Variants in NAV3 observed in about 807,000 individuals in gnomAD.
The protein encoded by NAV3 is pore membrane and/or filament interacting like protein 1.
Under a neutral mutation model 244.7 loss-of-function variants are expected in NAV3, and 87 were observed. The observed-to-expected ratio is 0.36, with a 90% CI of 0.30 to 0.42. The LOEUF (loss-of-function observed/expected upper bound fraction) is 0.42. Among genes scored for constraint, NAV3 ranks in the 20% least tolerant of loss-of-function variants. The pLI is 1.00. For synonymous variants in NAV3, 1,126 were observed against 1,042.2 expected (o/e 1.08, Z -1.55); for missense variants, 2,663 against 2,893.3 (o/e 0.92, Z 1.83).
intron 3 of NAV3, among the ~76,000 whole-genome samples, chr12:77,947,122 T>C (rs186790539): frequency 6.6e-6 from 1 of 152,120 alleles, no homozygotes; most frequent in African/African-American, 2.4e-5. Context: ...TTTGGCTTCT[T>C]ATTCCTTTTT....
intron 3 of NAV3, among the ~76,000 whole-genome samples, chr12:77,958,941 G>A (rs1350912405): frequency 6.6e-6 from 1 of 152,080 alleles, no homozygotes; most frequent in African/African-American, 2.4e-5. Context: ...TGTGGTGTCC[G>A]TTGAAATCAT....
chr12:78,195,232 T>A (rs1281636623), intron 34 of NAV3, among the ~76,000 whole-genome samples: 1 of 152,024 alleles, frequency 6.6e-6, no homozygotes, highest in African/African-American at 2.4e-5. Flanking sequence ...TTTTCTTTTT[T>A]ATTGCCACCA....
chr12:78,212,265 A>T lies in NAV3; in HGVS notation c.*1748A>T, dbSNP rs1960939009. 6.6e-6 allele frequency: 1 copy of T among 152,622 alleles called. No homozygotes were observed. Among genetic ancestry groups the T allele is most frequent in the Non-Finnish European group, 1.5e-5 (1 of 68,040 alleles). The allele number at this position is 152,622 out of a possible 1,614,324, so 9.5% of individuals were successfully genotyped here. A position where few individuals can be genotyped will look rare whatever the true frequency, so the allele number is the denominator to read the frequency against. On this transcript the variant is annotated 3_prime_UTR_variant, in exon 40 of 40. Coordinates refer to ENST00000397909, the MANE Select transcript of NAV3 (RefSeq NM_001024383.2). ...CACCACACACAAAGGACAGGTTTTAAGTTTATGAAACCCAAGGGCTAGGCC... is the reference window on the plus strand; with the variant it reads ...CACCACACACAAAGGACAGGTTTTATGTTTATGAAACCCAAGGGCTAGGCC...
intron 2 of NAV3, among the ~76,000 whole-genome samples, chr12:77,615,730 T>C (rs1313029184): frequency 6.6e-6 from 1 of 152,210 alleles, no homozygotes; most frequent in Non-Finnish European, 1.5e-5. Context: ...TTTGGGTATA[T>C]ACCAGTTGAG....
At chr12:78,109,281 A>T (rs1954966093) in intron 12 of NAV3, among the ~76,000 whole-genome samples, 1 of 152,106 alleles carries the variant, frequency 6.6e-6, no homozygotes, top group African/African-American at 2.4e-5. Context: ...ACATATCAGT[A>T]ATGATTAGCA....
At chr12:78,188,448 AT>A (rs1958824356) in intron 32 of NAV3, 105 bp downstream of exon 32, 2 of 1,197,090 alleles carry the variant, frequency 1.7e-6, no homozygotes, top group African/African-American at 3.1e-5. Flanking sequence ...CTCTCCTCAA[AT>A]AAGGAAAGCT....
intron 2 of NAV3, among the ~76,000 whole-genome samples, chr12:77,785,749 G>A (rs1257589771): frequency 4.6e-5 from 7 of 152,130 alleles, no homozygotes; most frequent in Non-Finnish European, 1.0e-4. Context: ...TGGGCTGCCT[G>A]CTTCATGGTC....
chr12:78,204,800 T>A (rs1960112838), intron 38 of NAV3, 135 bp from the exon 39 acceptor site: 1 of 713,236 alleles, frequency 1.4e-6, no homozygotes, highest in African/African-American at 1.8e-5. Flanking sequence ...TGCAAAACTG[T>A]ATACAGATAC....
chr12:77,971,566 G>A (rs947832507), intron 5 of NAV3, among the ~76,000 whole-genome samples: 1 of 151,986 alleles, frequency 6.6e-6, no homozygotes, highest in African/African-American at 2.4e-5. Context: ...TTTTCAAAAG[G>A]CCACAATGAT....
chr12:77,936,526 T>A (rs1169605196), intron 1 of NAV3, among the ~76,000 whole-genome samples: 1 of 152,180 alleles, frequency 6.6e-6, no homozygotes, highest in Non-Finnish European at 1.5e-5. Context: ...GAATTATGAT[T>A]AGTTTGATAT....
chr12:77,595,872 A>G (rs1870144790), intron 2 of NAV3, among the ~76,000 whole-genome samples: 1 of 152,214 alleles, frequency 6.6e-6, no homozygotes, highest in South Asian at 2.1e-4. Context: ...TTTAACTTGA[A>G]TATTTATGTT....
chr12:78,168,842 A>C lies in NAV3; in HGVS notation c.4957A>C (p.Asn1653His), dbSNP rs373317373. The C allele has an allele frequency of 6.2e-7, 1 of 1,610,018 alleles. No individual in the cohort carries two copies. The highest frequency in any genetic ancestry group is 1.3e-5 in the African/African-American group (1 of 74,730). ...AAQAAIQGAL[N>H]GPDHPPKDLR... ...CCAGGCGGCTATTCAGGGAGCACTG[A>C]ATGGTCCAGACCATCCTCCCAAAGG... Residue 1653 changes from asparagine (N) to histidine (H), a missense_variant, in exon 24 of 40, where the codon AAT becomes CAT. Physicochemically the swap from Asn to His is moderately conservative, Grantham distance 68 (BLOSUM62 1). Transcript: ENST00000397909.
intron 2 of NAV3, among the ~76,000 whole-genome samples, chr12:77,614,834 G>A (rs117762202): frequency 0.027 from 4,118 of 152,262 alleles, 83 homozygotes; most frequent in Non-Finnish European, 0.042. Flanking sequence ...AAGAAAGTTC[G>A]TTGCATTATA....
chr12:77,807,994 G>T (rs1322136810), intron 2 of NAV3, among the ~76,000 whole-genome samples: 1 of 152,036 alleles, frequency 6.6e-6, no homozygotes, highest in Non-Finnish European at 1.5e-5. Context: ...TATGCTTCAG[G>T]AAGTTCTCAT....
chr12:78,072,110 A>G (rs1462999758), intron 12 of NAV3, among the ~76,000 whole-genome samples: 1 of 151,842 alleles, frequency 6.6e-6, no homozygotes, highest in Non-Finnish European at 1.5e-5. Flanking sequence ...ACACCCTAAC[A>G]TCACAATTAA....
intron 2 of NAV3, among the ~76,000 whole-genome samples, chr12:77,710,593 G>T (rs1876060355): frequency 6.6e-6 from 1 of 152,068 alleles, no homozygotes; most frequent in Admixed American, 6.6e-5. Flanking sequence ...AAAGTGCTTA[G>T]AAATATAATA....
At chr12:77,948,733 A>C (rs965720441) in intron 3 of NAV3, among the ~76,000 whole-genome samples, 1 of 39,314 alleles carries the variant, frequency 2.5e-5, no homozygotes, top group Non-Finnish European at 5.3e-5. Flanking sequence ...TAATCAGTGG[A>C]AAAATATTAA....
At chr12:77,744,278 A>C (rs1339001829) in intron 2 of NAV3, among the ~76,000 whole-genome samples, 1 of 152,150 alleles carries the variant, frequency 6.6e-6, no homozygotes, top group East Asian at 1.9e-4. Flanking sequence ...GATATGGTAC[A>C]TTGATTTTTG....
chr12:77,709,629 G>T (rs959379864), intron 2 of NAV3, among the ~76,000 whole-genome samples: 1 of 152,250 alleles, frequency 6.6e-6, no homozygotes, highest in South Asian at 2.1e-4. Context: ...GACGAGTTAA[G>T]TATATTCCCA....
Sources: gnomAD v4.1 joint callset for allele counts (sites outside exome capture counted in the v4.1 genomes callset) on GRCh38, gnomAD v4.1.1 for gene constraint, MANE v1.5 for transcripts, NCBI Gene and HGNC (gene_info 2026-07-23, HGNC 2026-07-21) for gene names.